NRG3: variants seen among roughly 807,000 people sequenced by gnomAD.
NRG3 encodes the protein pro-neuregulin-3, membrane-bound isoform.
A neutral mutation model predicts 66.9 loss-of-function variants in NRG3; 31 were observed. The observed-to-expected ratio is 0.46, with a 90% CI of 0.35 to 0.63. The LOEUF is 0.63. Ranked by LOEUF, NRG3 falls within the 20% of genes least tolerant of loss-of-function variation. The pLI is 0.00. For missense variants in NRG3, 910 were observed against 878.9 expected (o/e 1.04, Z -0.45); for synonymous variants, 393 against 359.4 (o/e 1.09, Z -1.06).
chr10:82,844,950 C>A (rs1379936057), intron 3 of NRG3, among the ~76,000 whole-genome samples: 1 of 152,002 alleles, frequency 6.6e-6, no homozygotes, highest in East Asian at 1.9e-4. Flanking sequence ...AGGTCAGGAG[C>A]TTGAGACCAG....
In NRG3 at chr10:81,903,002, GA is replaced by G. The variant is rs142245311; in HGVS notation, c.823+26847del. On this transcript the variant is annotated intron_variant, in intron 1 of 8. Coordinates refer to ENST00000372141, the MANE Select transcript of NRG3 (RefSeq NM_001010848.4). ...CAGGTACTATTATCTCCATTTCACT[GA>G]AAAAAAAGGAAACCTGAAGTGAACG... Among the ~76,000 whole-genome samples, 4 of 151,698 alleles carry G rather than the reference GA, an allele frequency of 2.6e-5. No individual in the cohort carries two copies. In the East Asian group the frequency reaches 5.8e-4, roughly 22 times the overall value.
intron 2 of NRG3, among the ~76,000 whole-genome samples, chr10:82,553,025 T>C (rs1021216589): frequency 2.7e-5 from 4 of 149,504 alleles, no homozygotes; most frequent in Non-Finnish European, 4.4e-5. Context: ...AGAAAAGTGA[T>C]CACACACAAA....
intron 1 of NRG3, among the ~76,000 whole-genome samples, chr10:82,334,004 C>A (rs188379713): frequency 6.6e-6 from 1 of 151,856 alleles, no homozygotes; most frequent in South Asian, 2.1e-4. Context: ...GGTGAAACCC[C>A]GTCTCTACTA....
At chr10:81,947,634 T>G (rs1391365750) in intron 1 of NRG3, among the ~76,000 whole-genome samples, 3 of 147,168 alleles carry the variant, frequency 2.0e-5, no homozygotes, top group Admixed American at 6.8e-5. Context: ...GTATGTTGGG[T>G]TTTTTTTTTT....
chr10:82,314,524 A>G (rs72827335), intron 1 of NRG3, among the ~76,000 whole-genome samples: 21,215 of 152,098 alleles, frequency 0.14, 1,572 homozygotes, highest in Non-Finnish European at 0.17. Flanking sequence ...AAATAAATAA[A>G]TAGGCCAGGC....
intron 1 of NRG3, among the ~76,000 whole-genome samples, chr10:81,897,702 A>G (rs946279266): frequency 3.3e-5 from 5 of 152,032 alleles, no homozygotes; most frequent in African/African-American, 1.2e-4. Flanking sequence ...AGGTAATTGG[A>G]TATTGTGTGG....
chr10:82,979,304 G>A (rs1327082413), intron 8 of NRG3, among the ~76,000 whole-genome samples, 184 bp downstream of exon 8: 1 of 152,074 alleles, frequency 6.6e-6, no homozygotes, highest in Non-Finnish European at 1.5e-5. Context: ...ATGGAAAATA[G>A]GTATCAGGGA....
At chr10:82,511,337 G>A (rs1320900575) in intron 2 of NRG3, among the ~76,000 whole-genome samples, 2 of 152,164 alleles carry the variant, frequency 1.3e-5, no homozygotes, top group African/African-American at 4.8e-5. Context: ...TCTCTGCAGT[G>A]GTTCAAGTTT....
chr10:82,392,256 C>T (rs7078757), intron 2 of NRG3, among the ~76,000 whole-genome samples: 20,357 of 152,032 alleles, frequency 0.13, 1,615 homozygotes, highest in East Asian at 0.31. Flanking sequence ...TGTGATAAAG[C>T]GAGAAATAAT....
chr10:82,144,034 A>G (rs1199452230), intron 1 of NRG3, among the ~76,000 whole-genome samples: 1 of 151,244 alleles, frequency 6.6e-6, no homozygotes, highest in African/African-American at 2.4e-5. Flanking sequence ...TGTCTTAAAA[A>G]AAAAAAAAAG....
intron 1 of NRG3, among the ~76,000 whole-genome samples, chr10:82,057,192 T>C (rs2063886704): frequency 6.6e-6 from 1 of 152,198 alleles, no homozygotes; most frequent in Non-Finnish European, 1.5e-5. Flanking sequence ...TTCAATGTAC[T>C]AATTTTCCTT....
chr10:81,878,437 A>T (rs1449192882), intron 1 of NRG3, among the ~76,000 whole-genome samples: 1 of 152,234 alleles, frequency 6.6e-6, no homozygotes, highest in African/African-American at 2.4e-5. Context: ...GTGTTTAAAT[A>T]GGCAAGTTGT....
chr10:81,945,692 A>G (rs1164213233), intron 1 of NRG3, among the ~76,000 whole-genome samples: 1 of 152,154 alleles, frequency 6.6e-6, no homozygotes, highest in Non-Finnish European at 1.5e-5. Context: ...ATATTGAAGT[A>G]CTAACTCCCA....
intron 1 of NRG3, among the ~76,000 whole-genome samples, chr10:82,036,885 T>C (rs1050309472): frequency 6.6e-6 from 1 of 152,134 alleles, no homozygotes; most frequent in African/African-American, 2.4e-5. Flanking sequence ...GGTCACTGTT[T>C]AACGAACAGG....
chr10:82,340,719 A>T (rs1250638324), intron 1 of NRG3: 5 of 152,124 alleles, frequency 3.3e-5, no homozygotes, highest in African/African-American at 1.2e-4. Context: ...ACCTCCCCCC[A>T]ATATCTACTT....
intron 4 of NRG3, among the ~76,000 whole-genome samples, chr10:82,900,325 T>A (rs1246084719): frequency 6.6e-6 from 1 of 152,204 alleles, no homozygotes; most frequent in Non-Finnish European, 1.5e-5. Flanking sequence ...CTCATCAAAA[T>A]GTCAATACTT....
intron 2 of NRG3, among the ~76,000 whole-genome samples, chr10:82,442,385 G>A (rs1160184319): frequency 6.6e-6 from 1 of 152,132 alleles, no homozygotes; most frequent in Non-Finnish European, 1.5e-5. Context: ...AAAGTTCTTT[G>A]GCCTGGTTAA....
intron 1 of NRG3, among the ~76,000 whole-genome samples, chr10:82,019,164 A>G (rs2061935558): frequency 6.6e-6 from 1 of 152,190 alleles, no homozygotes; most frequent in South Asian, 2.1e-4. Context: ...GAATTTTGTC[A>G]GAGGCCTTTT....
chr10:81,933,542 T>C (rs1046826467), intron 1 of NRG3, among the ~76,000 whole-genome samples: 1 of 152,212 alleles, frequency 6.6e-6, no homozygotes. Context: ...TAACTCATCA[T>C]TTAGCATTAG....
Sources: allele counts gnomAD v4.1 joint callset (sites outside exome capture counted in the v4.1 genomes callset), GRCh38; gene constraint gnomAD v4.1.1; transcripts MANE v1.5; gene names NCBI Gene and HGNC (gene_info 2026-07-23, HGNC 2026-07-21).